LRP1B: variants seen among roughly 807,000 people sequenced by gnomAD.
LRP1B encodes the protein low-density lipoprotein receptor-related protein 1B.
In LRP1B, 217 loss-of-function variants were observed where a neutral mutation model predicts 556.6. The observed-to-expected ratio is 0.39, with a 90% confidence interval of 0.35 to 0.44. The LOEUF (loss-of-function observed/expected upper bound fraction) is 0.44. Ranked by LOEUF, LRP1B falls within the 20% of genes least tolerant of loss-of-function variation. The pLI is 1.00. For missense variants in LRP1B, 5,053 were observed against 5,620.8 expected (o/e 0.90, Z 3.23); for synonymous variants, 2,047 against 1,865.8 (o/e 1.10, Z -2.50).
chr2:141,550,483 A>G (rs1217436798), intron 2 of LRP1B, among the ~76,000 whole-genome samples: 1 of 152,162 alleles, frequency 6.6e-6, no homozygotes, highest in African/African-American at 2.4e-5. Context: ...TGAATGTCTC[A>G]CAATAACTTA....
intron 3 of LRP1B, among the ~76,000 whole-genome samples, chr2:141,383,135 G>A (rs11885536): frequency 0.069 from 10,535 of 152,186 alleles, 489 homozygotes; most frequent in African/African-American, 0.13. Context: ...AACATCATTT[G>A]CCATCAGAGA....
At chr2:140,967,574 A>T (rs1471456001) in intron 18 of LRP1B, among the ~76,000 whole-genome samples, 1 of 151,904 alleles carries the variant, frequency 6.6e-6, no homozygotes, top group Admixed American at 6.6e-5. Flanking sequence ...TTCCAACACT[A>T]TGTTGAATAG....
intron 17 of LRP1B, among the ~76,000 whole-genome samples, chr2:140,988,156 CAA>C (rs1696982543): frequency 6.6e-6 from 1 of 152,118 alleles, no homozygotes; most frequent in African/African-American, 2.4e-5. Context: ...ACTCTTGGAT[CAA>C]GTTTCCCCTG....
chr2:141,479,388 G>A (rs529798293), intron 3 of LRP1B, among the ~76,000 whole-genome samples: 99 of 152,126 alleles, frequency 6.5e-4, no homozygotes, highest in South Asian at 8.3e-4. Context: ...AGCTCCTCCC[G>A]AACAACTGGA....
chr2:141,222,622 A>C (rs113449207), intron 6 of LRP1B, among the ~76,000 whole-genome samples: 2,257 of 152,312 alleles, frequency 0.015, 32 homozygotes, highest in Middle Eastern at 0.034. Flanking sequence ...TCAATGCAAA[A>C]AAATCCTCAA....
intron 7 of LRP1B, among the ~76,000 whole-genome samples, chr2:141,124,030 T>C (rs1463515480): frequency 6.6e-6 from 1 of 152,086 alleles, no homozygotes; most frequent in Admixed American, 6.6e-5. Flanking sequence ...GGAGAGAGAA[T>C]ATGAGAGAAG....
intron 7 of LRP1B, among the ~76,000 whole-genome samples, chr2:141,088,084 A>G (rs1265822482): frequency 2.6e-5 from 4 of 152,130 alleles, no homozygotes; most frequent in African/African-American, 4.8e-5. Flanking sequence ...ACAAAAAGAC[A>G]TTCTTTTTTT....
chr2:140,788,544 T>C (rs1430577786), intron 32 of LRP1B, among the ~76,000 whole-genome samples: 3 of 152,296 alleles, frequency 2.0e-5, no homozygotes, highest in South Asian at 2.1e-4. Context: ...TAAAATGATA[T>C]TAGAGTAGGG....
chr2:141,812,497 G>A (rs542283005), intron 1 of LRP1B, among the ~76,000 whole-genome samples: 1 of 152,140 alleles, frequency 6.6e-6, no homozygotes, highest in South Asian at 2.1e-4. Context: ...GTGGAGAGGG[G>A]AAATGTCATT....
At chr2:141,848,648 T>C (rs10185119) in intron 1 of LRP1B, among the ~76,000 whole-genome samples, 88,253 of 151,186 alleles carry the variant, frequency 0.58, 25,861 homozygotes, top group Middle Eastern at 0.68. Flanking sequence ...CAAATGTATA[T>C]AGATGAACTC....
intron 1 of LRP1B, among the ~76,000 whole-genome samples, chr2:142,084,043 G>A (rs906268333): frequency 3.3e-5 from 5 of 150,408 alleles, no homozygotes; most frequent in African/African-American, 7.4e-5. Context: ...GCAGTGGTGC[G>A]ATCTTGGCTC....
chr2:142,109,319 G>A (rs1390259368), intron 1 of LRP1B, among the ~76,000 whole-genome samples: 2 of 152,120 alleles, frequency 1.3e-5, no homozygotes, highest in African/African-American at 4.8e-5. Context: ...AATGAGTTCC[G>A]TGATCACACA....
chr2:141,994,040 C>A (rs1702418206), intron 1 of LRP1B, among the ~76,000 whole-genome samples: 1 of 152,066 alleles, frequency 6.6e-6, no homozygotes, highest in Admixed American at 6.6e-5. Flanking sequence ...AAGTCAAGAT[C>A]CAAAACACCC....
intron 7 of LRP1B, among the ~76,000 whole-genome samples, chr2:141,163,827 A>G (rs1436174046): frequency 6.6e-6 from 1 of 152,060 alleles, no homozygotes; most frequent in Non-Finnish European, 1.5e-5. Flanking sequence ...GTATATTTTT[A>G]TCTGCAGCAT....
At chr2:141,514,642 A>G (rs992520256) in intron 2 of LRP1B, among the ~76,000 whole-genome samples, 14 of 152,220 alleles carry the variant, frequency 9.2e-5, no homozygotes, top group Non-Finnish European at 1.9e-4. Flanking sequence ...CAATAAAACC[A>G]TCATAAGTTG....
chr2:140,759,032 C>T (rs1380905585), intron 35 of LRP1B, among the ~76,000 whole-genome samples: 1 of 151,762 alleles, frequency 6.6e-6, no homozygotes, highest in African/African-American at 2.4e-5. Flanking sequence ...AAATATAATC[C>T]CTCTTGTGAA....
At chr2:140,483,638 A>AT (rs1378417792) in intron 59 of LRP1B, among the ~76,000 whole-genome samples, 42 of 74,098 alleles carry the variant, frequency 5.7e-4, no homozygotes, top group Admixed American at 2.1e-3. Context: ...ATATATATAT[A>AT]TATTTTTTTT....
intron 1 of LRP1B, among the ~76,000 whole-genome samples, chr2:142,102,222 C>T (rs565855947): frequency 1.3e-4 from 20 of 152,046 alleles, no homozygotes; most frequent in Non-Finnish European, 1.9e-4. Flanking sequence ...TAGCCTTATG[C>T]ATGTTACAGC....
At chr2:140,485,219 G>T in intron 59 of LRP1B, 124 bp downstream of exon 59, 1 of 559,422 alleles carries the variant, frequency 1.8e-6, no homozygotes, top group Non-Finnish European at 2.8e-6. Flanking sequence ...CTATTTCTAA[G>T]TGAGAATTTC....
Sources: gnomAD v4.1 joint callset for allele counts (sites outside exome capture counted in the v4.1 genomes callset) on GRCh38, gnomAD v4.1.1 for gene constraint, MANE v1.5 for transcripts, NCBI Gene and HGNC (gene_info 2026-07-23, HGNC 2026-07-21) for gene names.